KCNK13: variants seen among roughly 807,000 people sequenced by gnomAD.
KCNK13 encodes potassium channel subfamily K member 13.
A neutral mutation model predicts 23.4 loss-of-function variants in KCNK13; 12 were observed. The ratio of observed to expected loss-of-function variants is 0.51; its 90% CI spans 0.33 to 0.83. The LOEUF (loss-of-function observed/expected upper bound fraction) is 0.83, where lower values mean the gene tolerates loss of function less well. Among genes scored for constraint, KCNK13 ranks in the 40% least tolerant of loss-of-function variants. The pLI, the probability that KCNK13 is intolerant of heterozygous loss-of-function variation, is 0.02. For missense variants in KCNK13, 463 were observed against 556.3 expected (o/e 0.83, Z 1.69); for synonymous variants, 231 against 229.5 (o/e 1.01, Z -0.06).
chr14:90,099,278 G>T (rs11159947), intron 1 of KCNK13, among the ~76,000 whole-genome samples: 40,145 of 152,010 alleles, frequency 0.26, 6,013 homozygotes, highest in South Asian at 0.4. Flanking sequence ...GAATGTTCAG[G>T]ACTGTGCATT....
At chr14:90,144,625 G>A in intron 1 of KCNK13, among the ~76,000 whole-genome samples, 1 of 150,144 alleles carries the variant, frequency 6.7e-6, no homozygotes, top group Non-Finnish European at 1.5e-5. Context: ...GATTACAGGA[G>A]CCCACCACCA....
rs769786152 is a variant in KCNK13, at chr14:90,184,419, A to G, written c.643A>G (p.Met215Val). 4 of 1,614,210 alleles carry G rather than the reference A, an allele frequency of 2.5e-6. No homozygotes were observed. The South Asian group carries it at 3.3e-5, about 13-fold the overall frequency. Residue 215 changes from methionine to valine, a missense_variant, in exon 2 of 2, where the codon ATG (methionine) becomes GTG (valine). By Grantham distance (21) the Met-to-Val change is conservative (BLOSUM62 1). Around this residue, in one of 3 missense-constraint regions of KCNK13, gnomAD observed 144 missense variants for 224.0 expected, o/e 0.64. Coordinates refer to ENST00000282146, the MANE Select transcript of KCNK13 (RefSeq NM_022054.4). This position sits in a 1 kb window ranked among gnomAD's most constrained non-coding sequence, Gnocchi z 5.6. ...CCTCATCTCTTGCTGCGCCTCAGCC[A>G]TGTACACCCCCATTGAAGGCTGGAG... is the stretch of plus-strand genomic sequence containing the variant. The part of the protein sequence containing the change: ...SILISCCASA[M>V]YTPIEGWSYF...
At chr14:90,103,920 AGT>A (rs1889511612) in intron 1 of KCNK13, among the ~76,000 whole-genome samples, 1 of 152,040 alleles carries the variant, frequency 6.6e-6, no homozygotes, top group Admixed American at 6.6e-5. Context: ...GAGATCTCTA[AGT>A]GTATCTCCTA....
Position 90,062,214 on chromosome 14 carries a change from C to T in KCNK13, c.9C>T (p.Gly3=), listed in dbSNP as rs754720712. The T allele has an allele frequency of 1.2e-5, 13 of 1,101,870 alleles. No individual in the cohort carries two copies. The Admixed American group carries it at 3.5e-4, about 30-fold the overall frequency. The allele number at this position is 1,101,870 out of a possible 1,614,324, so 68.3% of individuals were successfully genotyped here. A position where few individuals can be genotyped will look rare whatever the true frequency, so the allele number is the denominator to read the frequency against. The change falls in exon 1 of 2, where the codon GGC becomes GGT. Residue 3 remains glycine (G), a synonymous_variant. Transcript: ENST00000282146. The surrounding 1 kb of genome is among the most constrained non-coding windows in gnomAD (Gnocchi z 4.5). MA[G]RGFSWGPGHL... ...CCCCCGGGGGCCCGGCCATGGCTGG[C>T]CGGGGTTTCAGCTGGGGCCCGGGCC...
intron 1 of KCNK13, among the ~76,000 whole-genome samples, chr14:90,086,632 AG>A (rs1343592255): frequency 6.6e-6 from 1 of 152,180 alleles, no homozygotes; most frequent in Non-Finnish European, 1.5e-5. Context: ...TTGTATACTA[AG>A]GAAGACGTCT....
chr14:90,184,804 CA>C lies in KCNK13; in HGVS notation c.1029del (p.Glu345ArgfsTer2). 6.2e-7 allele frequency: 1 copy of C among 1,612,738 alleles called. No homozygotes were observed. The highest frequency in any genetic ancestry group is 8.5e-7 in the Non-Finnish European group (1 of 1,178,922). ...AESDTDGRRL[S>X]GEMISMKDLL... is the part of the protein sequence containing the mutation. The stretch of plus-strand genomic sequence containing the variant: ...AGTGACACGGACGGGCGCCGGCTCT[CA>C]GGGGAGATGATCTCCATGAAGGACT... On this transcript the variant is annotated frameshift_variant, in exon 2 of 2. Coordinates refer to ENST00000282146, the MANE Select transcript of KCNK13 (RefSeq NM_022054.4). LOFTEE classifies it high-confidence loss of function. This position sits in a 1 kb window ranked among gnomAD's most constrained non-coding sequence, Gnocchi z 5.6.
At chr14:90,122,879 G>A (rs897739099) in intron 1 of KCNK13, among the ~76,000 whole-genome samples, 1 of 152,090 alleles carries the variant, frequency 6.6e-6, no homozygotes, top group African/African-American at 2.4e-5. Flanking sequence ...AAATCAGGCA[G>A]GCTGTGGAAA....
intron 1 of KCNK13, among the ~76,000 whole-genome samples, chr14:90,074,699 T>G (rs1042854072): frequency 1.3e-5 from 2 of 152,202 alleles, no homozygotes; most frequent in Admixed American, 6.5e-5. Flanking sequence ...GGTTTTTCTC[T>G]TATGTTACTG....
chr14:90,126,646 C>T (rs1889805057), intron 1 of KCNK13, among the ~76,000 whole-genome samples: 3 of 152,174 alleles, frequency 2.0e-5, no homozygotes, highest in South Asian at 2.1e-4. Flanking sequence ...TGGGTTCAAG[C>T]GATTCTCCTG....
chr14:90,113,864 T>A (rs537865657), intron 1 of KCNK13, among the ~76,000 whole-genome samples: 5 of 151,338 alleles, frequency 3.3e-5, no homozygotes, highest in African/African-American at 1.2e-4. Context: ...ACCCAGGAGG[T>A]GGAGGTTGCA....
chr14:90,138,749 A>G (rs1401908818), intron 1 of KCNK13, among the ~76,000 whole-genome samples: 5 of 152,064 alleles, frequency 3.3e-5, no homozygotes, highest in Admixed American at 1.3e-4. Context: ...CCCTGCCTGC[A>G]CTCCATAGCT....
chr14:90,083,227 T>C (rs1367138965), intron 1 of KCNK13, among the ~76,000 whole-genome samples: 2 of 152,250 alleles, frequency 1.3e-5, no homozygotes, highest in African/African-American at 4.8e-5. Context: ...CACTATCTTC[T>C]TGATGTTCTT....
chr14:90,132,144 C>T (rs1889882387), intron 1 of KCNK13, among the ~76,000 whole-genome samples: 1 of 152,244 alleles, frequency 6.6e-6, no homozygotes, highest in Non-Finnish European at 1.5e-5. Context: ...ATTGAATGAA[C>T]TTTGAGGACA....
At chr14:90,121,784 A>T (rs1889742058) in intron 1 of KCNK13, among the ~76,000 whole-genome samples, 1 of 152,060 alleles carries the variant, frequency 6.6e-6, no homozygotes, top group African/African-American at 2.4e-5. Flanking sequence ...CAGTGGCACA[A>T]TCTCAGCTCA....
intron 1 of KCNK13, among the ~76,000 whole-genome samples, chr14:90,182,925 G>C (rs1172267782): frequency 6.6e-6 from 1 of 151,638 alleles, no homozygotes; most frequent in East Asian, 1.9e-4. Context: ...AATGGTGTTT[G>C]TAGTCAGAGT....
chr14:90,077,348 T>G (rs1427172797), intron 1 of KCNK13, among the ~76,000 whole-genome samples: 1 of 151,408 alleles, frequency 6.6e-6, no homozygotes, highest in Non-Finnish European at 1.5e-5. Flanking sequence ...CTCGAACTCC[T>G]GGCCTCAGGT....
intron 1 of KCNK13, among the ~76,000 whole-genome samples, chr14:90,088,914 A>G (rs77619213): frequency 8.5e-5 from 13 of 152,182 alleles, no homozygotes; most frequent in Non-Finnish European, 1.8e-4. Flanking sequence ...GCCACCATCC[A>G]TGTAAGACTT....
intron 1 of KCNK13, among the ~76,000 whole-genome samples, chr14:90,160,545 G>A (rs1047687535): frequency 6.6e-6 from 1 of 152,094 alleles, no homozygotes; most frequent in Non-Finnish European, 1.5e-5. Context: ...AGATGGAAAT[G>A]TTAATTTTTT....
At chr14:90,158,336 G>T (rs1057018797) in intron 1 of KCNK13, among the ~76,000 whole-genome samples, 1 of 152,198 alleles carries the variant, frequency 6.6e-6, no homozygotes, top group Non-Finnish European at 1.5e-5. Flanking sequence ...TGTCCATCAG[G>T]GAAAGAGGTG....
Sources: allele counts gnomAD v4.1 joint callset (sites outside exome capture counted in the v4.1 genomes callset), GRCh38; gene constraint gnomAD v4.1.1; regional missense constraint gnomAD v4.1.1; non-coding constraint Gnocchi (gnomAD v3.1); transcripts MANE v1.5; gene names NCBI Gene and HGNC (gene_info 2026-07-23, HGNC 2026-07-21).